Variants in THRB observed in about 807,000 individuals in gnomAD.
The protein encoded by THRB is nuclear receptor subfamily 1 group A member 2.
In THRB, 12 loss-of-function variants were observed where a neutral mutation model predicts 47.8. The ratio of observed to expected loss-of-function variants is 0.25; its 90% confidence interval spans 0.16 to 0.41. The LOEUF is 0.41. Ranked by LOEUF, THRB falls within the 10% of genes least tolerant of loss-of-function variation. THRB has a pLI of 1.00. For synonymous variants in THRB, 218 were observed against 212.2 expected (o/e 1.03, Z -0.24); for missense variants, 348 against 589.2 (o/e 0.59, Z 4.24).
rs900823246 is a variant in THRB at position 24,471,339 on chromosome 3, G to C, written c.-261+23313C>G. ...AAGCTCTCCAGGTGATTATAACGCC[G>C]CTCAAGTTTGAGAACCATTATTTTG... On this transcript the variant is annotated intron_variant, in intron 1 of 10. Coordinates refer to ENST00000646209, the MANE Select transcript of THRB (RefSeq NM_001354712.2). Among the ~76,000 whole-genome samples, 5 of 152,144 alleles carry C rather than the reference G, an allele frequency of 3.3e-5. 1 individual carries two copies. In the South Asian group the frequency reaches 1.0e-3, roughly 31 times the overall value.
chr3:24,237,633 A>G (rs150243326), intron 3 of THRB, among the ~76,000 whole-genome samples: 1 of 152,264 alleles, frequency 6.6e-6, no homozygotes, highest in East Asian at 1.9e-4. Context: ...TAAATATGGG[A>G]TACTGAGTCA....
intron 5 of THRB, chr3:24,164,938 T>A: frequency 3.2e-6 from 2 of 629,010 alleles, no homozygotes; most frequent in East Asian, 5.1e-5. Flanking sequence ...AATTCAAAGA[T>A]TTGACGAAGC....
intron 5 of THRB, among the ~76,000 whole-genome samples, chr3:24,187,397 G>T (rs546893161): frequency 7.2e-5 from 11 of 152,316 alleles, no homozygotes; most frequent in African/African-American, 2.6e-4. Flanking sequence ...CTGGCAGATG[G>T]GCTCACTGCA....
At chr3:24,341,181 T>C (rs2062620342) in intron 1 of THRB, among the ~76,000 whole-genome samples, 1 of 86,412 alleles carries the variant, frequency 1.2e-5, no homozygotes. Context: ...TCCTTTCCTT[T>C]CCTTTCGTTT....
At chr3:24,192,859 G>A (rs140393121) in intron 4 of THRB, among the ~76,000 whole-genome samples, 74 of 152,286 alleles carry the variant, frequency 4.9e-4, no homozygotes, top group African/African-American at 1.6e-3. Context: ...AATTACATTC[G>A]TAATAATGAT....
chr3:24,370,023 TAAAAG>T lies in THRB; in HGVS notation c.-260-32657_-260-32653del, dbSNP rs1284449969. Among the ~76,000 whole-genome samples, 72 of 152,260 alleles carry T rather than the reference TAAAAG, an allele frequency of 4.7e-4. 1 individual carries two copies. In the East Asian group the frequency reaches 0.013, roughly 28 times the overall value. ...TTTGTGTTTATTAAAAGATAAGTATTAAAAGATGCTAGTTTGGAGATGAAATATAT... is the reference window on the plus strand; with the variant it reads ...TTTGTGTTTATTAAAAGATAAGTATTATGCTAGTTTGGAGATGAAATATAT... On this transcript the variant is annotated intron_variant, in intron 1 of 10. Coordinates refer to ENST00000646209, the MANE Select transcript of THRB (RefSeq NM_001354712.2).
intron 1 of THRB, among the ~76,000 whole-genome samples, chr3:24,489,828 C>G (rs760585917): frequency 3.3e-5 from 5 of 152,130 alleles, no homozygotes; most frequent in East Asian, 3.9e-4. Context: ...TACTCCCCCC[C>G]ACTTGTTTAA....
intron 1 of THRB, among the ~76,000 whole-genome samples, chr3:24,364,004 C>T (rs2064264225): frequency 6.6e-6 from 1 of 152,112 alleles, no homozygotes; most frequent in African/African-American, 2.4e-5. Context: ...ATACAAGGTT[C>T]AATCCACATA....
At chr3:24,221,940 G>C (rs149938699) in intron 4 of THRB, among the ~76,000 whole-genome samples, 1 of 152,328 alleles carries the variant, frequency 6.6e-6, no homozygotes, top group East Asian at 1.9e-4. Context: ...GGAGGACAGA[G>C]ACAGTCAGAG....
At chr3:24,243,691 G>A (rs2049820264) in intron 3 of THRB, among the ~76,000 whole-genome samples, 1 of 151,964 alleles carries the variant, frequency 6.6e-6, no homozygotes, top group South Asian at 2.1e-4. Flanking sequence ...TTAACATGCT[G>A]TACATTTTAC....
chr3:24,268,583 C>A (rs1559780844), intron 3 of THRB, among the ~76,000 whole-genome samples: 1 of 152,088 alleles, frequency 6.6e-6, no homozygotes, highest in African/African-American at 2.4e-5. Flanking sequence ...CTGACAAATT[C>A]AAGTAAAATT....
At chr3:24,229,914 G>T (rs922816732) in intron 3 of THRB, among the ~76,000 whole-genome samples, 1 of 152,186 alleles carries the variant, frequency 6.6e-6, no homozygotes, top group Non-Finnish European at 1.5e-5. Flanking sequence ...GGGATCAGAG[G>T]AAGTAATTTC....
chr3:24,189,858 C>T (rs1416841160), intron 5 of THRB, among the ~76,000 whole-genome samples: 2 of 152,192 alleles, frequency 1.3e-5, no homozygotes, highest in African/African-American at 2.4e-5. Context: ...CCCAGCACAA[C>T]GTGAAACCGA....
chr3:24,298,353 C>T (rs1260036549), intron 2 of THRB, among the ~76,000 whole-genome samples: 1 of 152,198 alleles, frequency 6.6e-6, no homozygotes, highest in Non-Finnish European at 1.5e-5. Context: ...AACCACAAAC[C>T]TGATTCTAAC....
chr3:24,395,435 A>C lies in THRB; in HGVS notation c.-260-58064T>G, dbSNP rs2066885286. 3.3e-5 allele frequency among the ~76,000 whole-genome samples: 5 copies of C among 152,154 alleles called. No homozygotes were observed. The South Asian group carries it at 1.0e-3, about 31-fold the overall frequency. ...TAACTCAATAATGATAAAACGAATA[A>C]TCCAATTGGAAAATAGGCAAAGGAT... On this transcript the variant is annotated intron_variant, in intron 1 of 10. Transcript: ENST00000646209.
intron 1 of THRB, among the ~76,000 whole-genome samples, chr3:24,423,221 G>C (rs1359121047): frequency 6.6e-6 from 1 of 151,832 alleles, no homozygotes; most frequent in Non-Finnish European, 1.5e-5. Context: ...CTGAAGTCCT[G>C]ACCCATAGAA....
Position 24,269,401 on chromosome 3 carries a change from GCGCACACACA to G in THRB, c.-43+27815_-43+27824del, listed in dbSNP as rs1403330473. Among the ~76,000 whole-genome samples, 221 of 45,676 alleles carry G rather than the reference GCGCACACACA, an allele frequency of 4.8e-3. 2 individuals carry two copies. In the East Asian group the frequency reaches 0.09, roughly 19 times the overall value. The allele number at this position is 45,676 out of a possible 152,430, so 30.0% of individuals were successfully genotyped here. On this transcript the variant is annotated intron_variant, in intron 3 of 10. Coordinates refer to ENST00000646209, the MANE Select transcript of THRB (RefSeq NM_001354712.2). ...TCATAGCTCACACGCGCGCGCGCGC[GCGCACACACA>G]CACACACACACACACACACACACAC...
chr3:24,152,619 G>C, intron 5 of THRB, 129 bp from the exon 6 acceptor site: 2 of 683,990 alleles, frequency 2.9e-6, no homozygotes, highest in Admixed American at 4.2e-5. Flanking sequence ...TAAAGACTTA[G>C]TGAAACCAAA....
At chr3:24,165,429 T>C (rs1012343970) in intron 5 of THRB, 8 of 692,970 alleles carry the variant, frequency 1.2e-5, no homozygotes, top group Admixed American at 3.9e-5. Context: ...CCATACACCC[T>C]GAGAGCTGGG....
Sources: gnomAD v4.1 joint callset for allele counts (sites outside exome capture counted in the v4.1 genomes callset) on GRCh38, gnomAD v4.1.1 for gene constraint, MANE v1.5 for transcripts, NCBI Gene and HGNC (gene_info 2026-07-23, HGNC 2026-07-21) for gene names.